Variants in ATR observed in about 807,000 individuals in gnomAD.
ATR encodes the protein ATR checkpoint kinase.
In ATR, 142 loss-of-function variants were observed where a neutral mutation model predicts 305.3. The ratio of observed to expected loss-of-function variants is 0.47; its 90% CI spans 0.41 to 0.53. ATR has a LOEUF of 0.53. ATR is among the 20% of genes least tolerant of loss of function. The pLI is 0.00. For synonymous variants in ATR, 1,050 were observed against 1,068.1 expected (o/e 0.98, Z 0.33); for missense variants, 2,135 against 3,133.1 (o/e 0.68, Z 7.60).
intron 36 of ATR, among the ~76,000 whole-genome samples, chr3:142,478,601 T>C (rs1304154783): frequency 6.6e-6 from 1 of 152,222 alleles, no homozygotes; most frequent in East Asian, 1.9e-4. Flanking sequence ...AGATGTCTAT[T>C]AGGTCTGCTT....
In ATR at chr3:142,515,483, G is replaced by C. The variant is rs1251645557; in HGVS notation, c.4415C>G (p.Ser1472Cys). 2 of 1,612,096 alleles carry C rather than the reference G, an allele frequency of 1.2e-6. No homozygotes were observed. The highest frequency in any genetic ancestry group is 1.7e-6 in the Non-Finnish European group (2 of 1,178,500). ...YKSSQKSTDW[S>C]GVKKPIYLSK... Reference sequence around the variant, plus strand: ...TAAGTAAATTGGCTTCTTTACTCCAGACCAATCGGTTGACTTCTGAGAACT... The same window carrying C: ...TAAGTAAATTGGCTTCTTTACTCCACACCAATCGGTTGACTTCTGAGAACT... The change falls in exon 25 of 47, where the codon TCT (serine) becomes TGT (cysteine). Residue 1472 changes from serine (S) to cysteine (C), a missense_variant. By Grantham distance (112) the Ser-to-Cys change is moderately radical. Transcript: ENST00000350721.
intron 1 of ATR, among the ~76,000 whole-genome samples, chr3:142,573,453 C>CAA (rs1218216880): frequency 1.0e-3 from 46 of 45,932 alleles, no homozygotes; most frequent in Admixed American, 2.7e-3. Context: ...GACTTCATCT[C>CAA]AAAAAAAAAA....
chr3:142,545,849 G>A (rs35238606), intron 16 of ATR, among the ~76,000 whole-genome samples: 24,323 of 152,082 alleles, frequency 0.16, 2,271 homozygotes, highest in Admixed American at 0.2. Flanking sequence ...GGTAGATAGC[G>A]GTACCATTAC....
chr3:142,521,273 A>G (rs993554554), intron 23 of ATR, among the ~76,000 whole-genome samples: 1 of 152,204 alleles, frequency 6.6e-6, no homozygotes, highest in Admixed American at 6.5e-5. Flanking sequence ...TGGTCACAAT[A>G]AAAGATTCCT....
intron 25 of ATR, 99 bp downstream of exon 25, chr3:142,515,296 A>G: frequency 6.7e-7 from 1 of 1,487,848 alleles, no homozygotes; most frequent in South Asian, 1.2e-5. Flanking sequence ...TATCAGCACA[A>G]ATACTTCAAT....
chr3:142,502,151 T>C (rs2032001568), intron 30 of ATR, among the ~76,000 whole-genome samples: 1 of 152,226 alleles, frequency 6.6e-6, no homozygotes, highest in Admixed American at 6.5e-5. Context: ...TCAGCCACTG[T>C]GGAAGGCGGT....
chr3:142,576,135 G>C (rs1329600212), intron 1 of ATR, among the ~76,000 whole-genome samples: 1 of 152,170 alleles, frequency 6.6e-6, no homozygotes. Context: ...TTAGATTCTA[G>C]ATGTATCTTA....
intron 5 of ATR, among the ~76,000 whole-genome samples, chr3:142,560,851 C>T (rs1481315161): frequency 5.3e-5 from 8 of 152,142 alleles, no homozygotes; most frequent in African/African-American, 1.7e-4. Context: ...TGAGCCACCG[C>T]GCCCAGCCTG....
intron 16 of ATR, among the ~76,000 whole-genome samples, chr3:142,543,171 C>G (rs144752613): frequency 6.6e-6 from 1 of 151,954 alleles, no homozygotes; most frequent in African/African-American, 2.4e-5. Flanking sequence ...TAGAAAAGTA[C>G]GATTAAGGAA....
chr3:142,578,609 G>A (rs1270507539), intron 1 of ATR, 37 bp downstream of exon 1: 2 of 1,601,318 alleles, frequency 1.2e-6, no homozygotes, highest in Non-Finnish European at 1.7e-6. Context: ...GGAATCAGCG[G>A]AGGAGGATGC....
intron 36 of ATR, among the ~76,000 whole-genome samples, chr3:142,484,420 TGAA>T (rs910338046): frequency 2.0e-5 from 3 of 152,002 alleles, no homozygotes; most frequent in African/African-American, 7.2e-5. Context: ...GACAGGAGGG[TGAA>T]GAAGACCTCA....
At chr3:142,574,222 T>C (rs1285863913) in intron 1 of ATR, among the ~76,000 whole-genome samples, 1 of 152,028 alleles carries the variant, frequency 6.6e-6, no homozygotes, top group Non-Finnish European at 1.5e-5. Flanking sequence ...CCCAGCACTT[T>C]GGGAGGCTGA....
At chr3:142,520,251 A>C (rs2033088376) in intron 23 of ATR, among the ~76,000 whole-genome samples, 1 of 152,124 alleles carries the variant, frequency 6.6e-6, no homozygotes, top group Non-Finnish European at 1.5e-5. Flanking sequence ...TTGGGACTTC[A>C]TATTTCCAAA....
rs142369269 is a variant in ATR, at chr3:142,475,579, G to T, written c.6222-5396C>A. 7.7e-3 allele frequency among the ~76,000 whole-genome samples: 1,179 copies of T among 152,296 alleles called. 18 individuals are homozygous for T. The highest frequency in any genetic ancestry group is 0.027 in the African/African-American group (1,125 of 41,558). On this transcript the variant is annotated intron_variant, in intron 36 of 46. Coordinates refer to ENST00000350721, the MANE Select transcript of ATR (RefSeq NM_001184.4). ...ACATACATGTGCATGTGTCTTTATA[G>T]CAGCATGATTTATATTCCTTTGGGT...
rs1003970975 is a variant in ATR at position 142,538,714 on chromosome 3, T to C, written c.3582-89A>G. The C allele has an allele frequency of 1.3e-4, 198 of 1,494,098 alleles. No homozygotes were observed. In the African/African-American group the frequency reaches 2.5e-3, roughly 19 times the overall value. The allele number at this position is 1,494,098 out of a possible 1,614,324, so 92.6% of individuals were successfully genotyped here. On this transcript the variant is annotated intron_variant, in intron 18 of 46. Transcript: ENST00000350721. ...TCAGTAATTAGTTGAAGACACATGA[T>C]ATATACAAACAATAGATTAAAAGGC...
chr3:142,532,612 TA>T (rs113320632), intron 21 of ATR, among the ~76,000 whole-genome samples: 10,494 of 152,172 alleles, frequency 0.069, 890 homozygotes, highest in African/African-American at 0.2. Flanking sequence ...GGTCATTCCA[TA>T]AAAAATAGTT....
intron 36 of ATR, among the ~76,000 whole-genome samples, chr3:142,471,669 A>T (rs2071271439): frequency 6.6e-6 from 1 of 152,214 alleles, no homozygotes; most frequent in African/African-American, 2.4e-5. Flanking sequence ...ACATGTTTTG[A>T]AACATGTATA....
chr3:142,497,717 A>C (rs555629130), intron 32 of ATR, among the ~76,000 whole-genome samples: 1 of 152,282 alleles, frequency 6.6e-6, no homozygotes, highest in South Asian at 2.1e-4. Flanking sequence ...TGAAACCAAA[A>C]TTTACCACCT....
At chr3:142,538,338 G>A in intron 19 of ATR, 144 bp downstream of exon 19, 4 of 851,316 alleles carry the variant, frequency 4.7e-6, no homozygotes, top group Non-Finnish European at 7.2e-6. Context: ...ATTTCAATAT[G>A]TAATTACATG....
Sources: allele counts gnomAD v4.1 joint callset (sites outside exome capture counted in the v4.1 genomes callset), GRCh38; gene constraint gnomAD v4.1.1; transcripts MANE v1.5; gene names NCBI Gene and HGNC (gene_info 2026-07-23, HGNC 2026-07-21).